The following SLC35E1 variants were observed in gnomAD, a reference collection of about 807,000 sequenced individuals.
SLC35E1 encodes solute carrier family 35 member E1.
In SLC35E1, 12 loss-of-function variants were observed where a neutral mutation model predicts 31.0. The ratio of observed to expected loss-of-function variants is 0.39; its 90% CI spans 0.25 to 0.63. SLC35E1 has a LOEUF of 0.63. SLC35E1 is among the 20% of genes least tolerant of loss of function. The pLI, the probability that SLC35E1 is intolerant of heterozygous loss-of-function variation, is 0.52. For missense variants in SLC35E1, 429 were observed against 572.2 expected (o/e 0.75, Z 2.55); for synonymous variants, 257 against 264.1 (o/e 0.97, Z 0.26).
At chr19:16,566,360 G>A (rs912209155) in intron 4 of SLC35E1, 172 bp downstream of exon 4, 7 of 819,182 alleles carry the variant, frequency 8.5e-6, no homozygotes, top group South Asian at 3.8e-5. Context: ...CCACTTCCTC[G>A]ATGGCGTGCA....
In SLC35E1 at chr19:16,553,799, G is replaced by C; in HGVS notation, c.1113C>G (p.Gly371=). The change falls in exon 6 of 6, where the codon GGC becomes GGG. Residue 371 remains glycine, a synonymous_variant. Coordinates refer to ENST00000595753, the MANE Select transcript of SLC35E1 (RefSeq NM_024881.5). The part of the protein sequence containing the change: ...HRSPLEKPHN[G]LLFPQHGDYQ... ...AGTCCCCGTGCTGGGGGAAGAGGAG[G>C]CCGTTGTGGGGCTTCTCCAGTGGGC... The C allele has an allele frequency of 6.2e-7, 1 of 1,614,076 alleles. No homozygotes were observed.
At chr19:16,563,252 AG>A (rs2085915987) in intron 4 of SLC35E1, among the ~76,000 whole-genome samples, 1 of 151,500 alleles carries the variant, frequency 6.6e-6, no homozygotes, top group South Asian at 2.1e-4. Context: ...TGAATCCGGG[AG>A]GCGGAGGCTG....
At chr19:16,570,313 C>T (rs565326538) in intron 2 of SLC35E1, among the ~76,000 whole-genome samples, 3 of 152,164 alleles carry the variant, frequency 2.0e-5, no homozygotes, top group Non-Finnish European at 2.9e-5. Context: ...AGAGCACACA[C>T]AGGTCTTGCT....
chr19:16,553,579 C>T lies in SLC35E1; in HGVS notation c.*100G>A, dbSNP rs2122320095. 1 of 1,155,544 alleles carries T rather than the reference C, an allele frequency of 8.7e-7. No homozygotes were observed. Among genetic ancestry groups the T allele is most frequent in the South Asian group, 2.1e-5 (1 of 48,446 alleles). 71.6% of individuals were successfully genotyped at this position (1,155,544 alleles called of 1,614,324 possible). A position where few individuals can be genotyped will look rare whatever the true frequency, so the allele number is the denominator to read the frequency against. On this transcript the variant is annotated 3_prime_UTR_variant, in exon 6 of 6. Transcript: ENST00000595753. ...TCTGATGGAGAGTTATGCACCGTCC[C>T]CTCGGCTGGGTTGTACATTCACTGA...
chr19:16,566,706 A>C, intron 3 of SLC35E1, 49 bp from the exon 4 acceptor site: 1 of 1,579,268 alleles, frequency 6.3e-7, no homozygotes, highest in Non-Finnish European at 8.6e-7. Context: ...ATATGTGGCA[A>C]AAAGGGCTCC....
At chr19:16,571,886 G>C (rs1046135964) in intron 1 of SLC35E1, 58 bp downstream of exon 1, 1 of 1,502,658 alleles carries the variant, frequency 6.7e-7, no homozygotes, top group Non-Finnish European at 8.9e-7. Context: ...CTATCCATGC[G>C]CCCAAACCCG....
intron 4 of SLC35E1, among the ~76,000 whole-genome samples, chr19:16,561,231 A>G (rs1488324118): frequency 1.4e-5 from 2 of 144,218 alleles, no homozygotes; most frequent in South Asian, 2.2e-4. Flanking sequence ...AAAAAAAAAA[A>G]AAAAAAAAAA....
intron 2 of SLC35E1, 136 bp from the exon 3 acceptor site, chr19:16,568,305 G>A: frequency 1.5e-5 from 18 of 1,221,656 alleles, no homozygotes; most frequent in Non-Finnish European, 2.0e-5. Context: ...GGTGTTTGCT[G>A]TGCCAGTGAC....
chr19:16,562,114 C>T (rs182117648), intron 4 of SLC35E1, among the ~76,000 whole-genome samples: 1 of 151,902 alleles, frequency 6.6e-6, no homozygotes, highest in African/African-American at 2.4e-5. Flanking sequence ...ATTACAACAA[C>T]AAAAAAGATA....
intron 4 of SLC35E1, among the ~76,000 whole-genome samples, chr19:16,561,283 C>T (rs2085905565): frequency 6.7e-6 from 1 of 149,064 alleles, no homozygotes; most frequent in Non-Finnish European, 1.5e-5. Context: ...GGGATTTCCT[C>T]CATTCTCTCT....
At chr19:16,559,208 C>T (rs1599317560) in intron 4 of SLC35E1, among the ~76,000 whole-genome samples, 2 of 151,892 alleles carry the variant, frequency 1.3e-5, no homozygotes, top group African/African-American at 2.4e-5. Context: ...CCCAGTTGCT[C>T]GGGAGGCTGA....
At chr19:16,558,448 T>A (rs533600739) in intron 4 of SLC35E1, among the ~76,000 whole-genome samples, 202 of 152,202 alleles carry the variant, frequency 1.3e-3, no homozygotes, top group African/African-American at 4.7e-3. Context: ...GCAATTCACC[T>A]GCCTCAGCCT....
chr19:16,568,007 A>T (rs1022250045), intron 3 of SLC35E1, 25 bp downstream of exon 3: 10 of 1,585,976 alleles, frequency 6.3e-6, no homozygotes, highest in South Asian at 3.4e-5. Context: ...AACCCCATGC[A>T]TGTCCGCTGA....
rs1265582710 is a variant in SLC35E1 at position 16,550,683 on chromosome 19, G to A, written c.*2996C>T. ...GGGGATGGAGGTTGTAGTGAGCTGA[G>A]ACTGCGCCACTGCACTCCAGCCTGA... On this transcript the variant is annotated 3_prime_UTR_variant, in exon 6 of 6. Transcript: ENST00000595753. 1 of 152,322 alleles carries A rather than the reference G, an allele frequency of 6.6e-6. No homozygotes were observed. The highest frequency in any genetic ancestry group is 2.4e-5 in the African/African-American group (1 of 41,436). 9.4% of individuals were successfully genotyped at this position (152,322 alleles called of 1,614,324 possible).
rs2085857894 is a variant in SLC35E1 at position 16,553,742 on chromosome 19, G to A, written c.1170C>T (p.Asp390=). 2.5e-6 allele frequency: 4 copies of A among 1,609,348 alleles called. No individual in the cohort carries two copies. The highest frequency in any genetic ancestry group is 2.5e-6 in the Non-Finnish European group (3 of 1,176,870). ...YQYGRNNILT[D]HFQYSRQSYP... Reference sequence around the variant, plus strand: ...AGCTCTGCCGGCTGTATTGGAAGTGGTCTGTTAAGATGTTGTTGCGGCCGT... The same window carrying A: ...AGCTCTGCCGGCTGTATTGGAAGTGATCTGTTAAGATGTTGTTGCGGCCGT... Residue 390 remains aspartate (D), a synonymous_variant, in exon 6 of 6, where the codon GAC becomes GAT. Transcript: ENST00000595753.
chr19:16,563,807 G>A (rs1350419250), intron 4 of SLC35E1, among the ~76,000 whole-genome samples: 1 of 152,154 alleles, frequency 6.6e-6, no homozygotes, highest in African/African-American at 2.4e-5. Context: ...CCTTTTCTCA[G>A]CACTCCAGTT....
rs547325764 is a variant in SLC35E1 at position 16,571,714 on chromosome 19, C to T, written c.422-132G>A. On this transcript the variant is annotated intron_variant, in intron 1 of 5. Transcript: ENST00000595753. The stretch of plus-strand genomic sequence containing the variant: ...CGCCCCTTCTCTTTCGGTAGGGCTT[C>T]CTCCTGCCACGGCTGTTGTGGTCTG... 2.4e-5 allele frequency: 25 copies of T among 1,021,190 alleles called. No individual in the cohort carries two copies. In the East Asian group the frequency reaches 5.8e-4, roughly 24 times the overall value. The allele number at this position is 1,021,190 out of a possible 1,614,324, so 63.3% of individuals were successfully genotyped here.
chr19:16,565,073 GGCCTCCTCCTCACC>G (rs1202045347), intron 4 of SLC35E1: 1 of 455,222 alleles, frequency 2.2e-6, no homozygotes, highest in African/African-American at 2.0e-5. Context: ...GAATCGCACT[GGCCTCCTCCTCACC>G]GCAGGCACTT....
chr19:16,568,946 C>A (rs533484304), intron 2 of SLC35E1, among the ~76,000 whole-genome samples: 7 of 152,330 alleles, frequency 4.6e-5, no homozygotes, highest in African/African-American at 1.4e-4. Context: ...TTTCTCCAAC[C>A]CACCTCCACC....
Sources: allele counts gnomAD v4.1 joint callset (sites outside exome capture counted in the v4.1 genomes callset), GRCh38; gene constraint gnomAD v4.1.1; transcripts MANE v1.5; gene names NCBI Gene and HGNC (gene_info 2026-07-23, HGNC 2026-07-21).